The following PLEKHA6 variants were observed in gnomAD, a reference collection of about 807,000 sequenced individuals.
PLEKHA6 encodes pleckstrin homology domain-containing family A member 6.
PLEKHA6 carries 60 observed loss-of-function variants against 116.7 expected under a neutral mutation model. The ratio of observed to expected loss-of-function variants is 0.51; its 90% CI spans 0.42 to 0.64. PLEKHA6 has a LOEUF of 0.64. Ranked by LOEUF, PLEKHA6 falls within the 30% of genes least tolerant of loss-of-function variation. PLEKHA6 has a pLI of 0.00. For synonymous variants in PLEKHA6, 489 were observed against 556.1 expected (o/e 0.88, Z 1.70); for missense variants, 1,338 against 1,422.7 (o/e 0.94, Z 0.96).
At chr1:204,312,705 G>C (rs933833862) in intron 1 of PLEKHA6, among the ~76,000 whole-genome samples, 8 of 152,202 alleles carry the variant, frequency 5.3e-5, no homozygotes, top group African/African-American at 1.9e-4. Flanking sequence ...AGATGGGCTA[G>C]AGTGTGCTGG....
At chr1:204,241,903 G>A in intron 15 of PLEKHA6, 89 bp from the exon 16 acceptor site, 1 of 1,405,942 alleles carries the variant, frequency 7.1e-7, no homozygotes, top group East Asian at 2.3e-5. Context: ...TTTAATGGTT[G>A]AAGCTCAAAC....
chr1:204,229,288 C>T lies in PLEKHA6; in HGVS notation c.2584-184G>A, dbSNP rs529373855. 3.9e-5 allele frequency among the ~76,000 whole-genome samples: 6 copies of T among 152,336 alleles called. No homozygotes were observed. In the East Asian group the frequency reaches 1.2e-3, roughly 29 times the overall value. On this transcript the variant is annotated intron_variant, in intron 18 of 22. Coordinates refer to ENST00000272203, the MANE Select transcript of PLEKHA6 (RefSeq NM_014935.5). The stretch of plus-strand genomic sequence containing the variant: ...TGCTGGCCCAAAGCCTGCCCACCTG[C>T]TAGGCCCCAGGGGCAACATCTCATC...
chr1:204,329,739 A>G (rs1368739232), intron 1 of PLEKHA6, among the ~76,000 whole-genome samples: 1 of 152,220 alleles, frequency 6.6e-6, no homozygotes, highest in Non-Finnish European at 1.5e-5. Flanking sequence ...AGCCAAATCC[A>G]GAACGTGAAA....
chr1:204,312,305 G>A (rs144445984), intron 1 of PLEKHA6, among the ~76,000 whole-genome samples: 8 of 152,280 alleles, frequency 5.3e-5, no homozygotes, highest in Non-Finnish European at 7.4e-5. Context: ...AGAGATAAAC[G>A]GCACACAGCA....
chr1:204,253,857 C>A (rs28493118), intron 9 of PLEKHA6, among the ~76,000 whole-genome samples: 17 of 143,890 alleles, frequency 1.2e-4, no homozygotes, highest in East Asian at 6.2e-4. Flanking sequence ...AAAACAAAAA[C>A]AAAAACAAAC....
chr1:204,283,499 A>G (rs1329124696), intron 1 of PLEKHA6, among the ~76,000 whole-genome samples: 1 of 152,220 alleles, frequency 6.6e-6, no homozygotes, highest in African/African-American at 2.4e-5. Flanking sequence ...TCTGGTCCTT[A>G]CACTGGGAGG....
intron 1 of PLEKHA6, chr1:204,313,625 C>T (rs1383270976): frequency 2.0e-6 from 2 of 984,636 alleles, no homozygotes; most frequent in Non-Finnish European, 2.4e-6. Flanking sequence ...CCATATTAGC[C>T]CAAGGAAATC....
chr1:204,239,851 G>C (rs2102535636), intron 17 of PLEKHA6, among the ~76,000 whole-genome samples: 1 of 152,236 alleles, frequency 6.6e-6, no homozygotes, highest in East Asian at 1.9e-4. Flanking sequence ...GAATCAAGGG[G>C]TGGAAGTGGA....
At chr1:204,318,051 A>T (rs1165089750) in intron 1 of PLEKHA6, among the ~76,000 whole-genome samples, 7 of 152,236 alleles carry the variant, frequency 4.6e-5, no homozygotes, top group African/African-American at 1.4e-4. Context: ...TGCGTGCATG[A>T]ATATCTTTGC....
At position 204,261,283 on chromosome 1, in the gene PLEKHA6, A is replaced by C. The variant is rs1416790170; in HGVS notation, c.524+23T>G. 3.1e-6 allele frequency: 5 copies of C among 1,613,698 alleles called. No individual in the cohort carries two copies. Among genetic ancestry groups the C allele is most frequent in the Non-Finnish European group, 4.2e-6 (5 of 1,179,752 alleles). ...CCCTCTTTATTCTTCCTGCACCCCC[A>C]CACTCAATTCCCTGGCACTCACCTG... On this transcript the variant is annotated intron_variant, in intron 7 of 22. Transcript: ENST00000272203. This position sits in a 1 kb window ranked among gnomAD's most constrained non-coding sequence, Gnocchi z 4.0.
chr1:204,233,339 C>T (rs1391947305), intron 17 of PLEKHA6, among the ~76,000 whole-genome samples: 1 of 114,154 alleles, frequency 8.8e-6, no homozygotes, highest in Non-Finnish European at 1.8e-5. Context: ...CCACACCTGG[C>T]TAATTTTTTT....
intron 1 of PLEKHA6, among the ~76,000 whole-genome samples, chr1:204,279,901 G>A (rs1668419246): frequency 6.6e-6 from 1 of 152,222 alleles, no homozygotes; most frequent in South Asian, 2.1e-4. Flanking sequence ...AATAATAGCT[G>A]TAAACTTGCA....
At chr1:204,253,592 A>T (rs2102691122) in intron 9 of PLEKHA6, among the ~76,000 whole-genome samples, 1 of 152,280 alleles carries the variant, frequency 6.6e-6, no homozygotes, top group Middle Eastern at 3.4e-3. Context: ...TGAGAGGCAG[A>T]GGTGAGAGGA....
chr1:204,291,689 T>C (rs1669775727), intron 1 of PLEKHA6, among the ~76,000 whole-genome samples: 1 of 152,194 alleles, frequency 6.6e-6, no homozygotes, highest in Non-Finnish European at 1.5e-5. Context: ...ATAAAAGTAT[T>C]CATTTATGAT....
chr1:204,263,787 T>C (rs1300482486), intron 6 of PLEKHA6, among the ~76,000 whole-genome samples: 1 of 152,040 alleles, frequency 6.6e-6, no homozygotes, highest in Non-Finnish European at 1.5e-5. Flanking sequence ...CTACTTGTTG[T>C]TGGTTAAACA....
intron 1 of PLEKHA6, among the ~76,000 whole-genome samples, chr1:204,292,221 G>A (rs950469865): frequency 3.3e-5 from 5 of 152,156 alleles, no homozygotes; most frequent in African/African-American, 4.8e-5. Flanking sequence ...AATCCTTTAC[G>A]GTTCACAAAG....
At chr1:204,326,060 A>G (rs758762243) in intron 1 of PLEKHA6, 14 of 203,284 alleles carry the variant, frequency 6.9e-5, no homozygotes, top group African/African-American at 2.1e-4. Flanking sequence ...CTGGCTTGAG[A>G]CCACTTAATT....
At chr1:204,364,972 A>G (rs914388492) in intron 3 of PLEKHA6, among the ~76,000 whole-genome samples, 2 of 152,226 alleles carry the variant, frequency 1.3e-5, no homozygotes, top group African/African-American at 4.8e-5. Context: ...TCCCTGAAGA[A>G]GTGACATCAT....
At chr1:204,373,473 G>A (rs773883382) in intron 1 of PLEKHA6, among the ~76,000 whole-genome samples, 4 of 152,076 alleles carry the variant, frequency 2.6e-5, no homozygotes, top group Non-Finnish European at 4.4e-5. Context: ...TCCTGCCTTG[G>A]CCTCCCAAAG....
Sources: gnomAD v4.1 joint callset for allele counts (sites outside exome capture counted in the v4.1 genomes callset) on GRCh38, gnomAD v4.1.1 for gene constraint, Gnocchi (gnomAD v3.1) non-coding constraint, MANE v1.5 for transcripts, NCBI Gene and HGNC (gene_info 2026-07-23, HGNC 2026-07-21) for gene names.